Variants in PCDHA9 observed in about 807,000 individuals in gnomAD.
PCDHA9 encodes protocadherin alpha-9.
In PCDHA9, 62 loss-of-function variants were observed where a neutral mutation model predicts 62.0. The observed-to-expected ratio is 1.00, with a 90% CI of 0.81 to 1.23. PCDHA9 has a LOEUF of 1.23. Ranked by LOEUF, PCDHA9 falls within the 50% of genes most tolerant of loss-of-function variation. The pLI, the probability that PCDHA9 is intolerant of heterozygous loss-of-function variation, is 0.00. For synonymous variants in PCDHA9, 557 were observed against 567.6 expected (o/e 0.98, Z 0.27); for missense variants, 1,205 against 1,249.8 (o/e 0.96, Z 0.54).
At chr5:140,912,170 T>C (rs961907962) in intron 1 of PCDHA9, among the ~76,000 whole-genome samples, 6 of 152,202 alleles carry the variant, frequency 3.9e-5, no homozygotes, top group African/African-American at 9.7e-5. Flanking sequence ...CTGGCTGTGC[T>C]GGCAGCTGAT....
Position 140,851,565 on chromosome 5 carries a change from G to T in PCDHA9, c.2394+676G>T, listed in dbSNP as rs558874725. Reference sequence around the variant, plus strand: ...TTCAAGAAATGTTGACTGAAATTTTGTCTACACTTAGAACATTTTTTGAAA... The same window carrying T: ...TTCAAGAAATGTTGACTGAAATTTTTTCTACACTTAGAACATTTTTTGAAA... On this transcript the variant is annotated intron_variant, in intron 1 of 3. Transcript: ENST00000532602. The T allele has an allele frequency of 3.3e-6, 3 of 908,000 alleles. No homozygotes were observed. In the African/African-American group the frequency reaches 5.4e-5, roughly 16 times the overall value. 56.2% of individuals were successfully genotyped at this position (908,000 alleles called of 1,614,324 possible).
intron 1 of PCDHA9, among the ~76,000 whole-genome samples, chr5:140,872,204 C>T (rs1475899671): frequency 6.6e-6 from 1 of 151,738 alleles, no homozygotes. Flanking sequence ...ATCATAAATT[C>T]ATTATATATG....
At chr5:140,869,669 T>C (rs1461591468) in intron 1 of PCDHA9, 49 of 1,613,358 alleles carry the variant, frequency 3.0e-5, no homozygotes, top group Non-Finnish European at 4.1e-5. Context: ...GGTAAGCAGA[T>C]TAAAAGACTG....
intron 1 of PCDHA9, among the ~76,000 whole-genome samples, chr5:140,972,660 ATTTTTTTT>A (rs11350929): frequency 6.0e-5 from 7 of 117,270 alleles, no homozygotes; most frequent in African/African-American, 2.0e-4. Flanking sequence ...AAGAAACCAA[ATTTTTTTT>A]TTTTTTTTTT....
chr5:140,850,744 ACTCG>A lies in PCDHA9; in HGVS notation c.2251_2254del (p.Gln752ArgfsTer60), dbSNP rs2041800778. ...TCTAGCGCGGTGGGGAGTTGGTCGT[ACTCG>A]CAGCAGAGGAGGCAGAGGGTGTGCT... On this transcript the variant is annotated frameshift_variant, in exon 1 of 4. Coordinates refer to ENST00000532602, the MANE Select transcript of PCDHA9 (RefSeq NM_031857.2). LOFTEE classifies it high-confidence loss of function. 1.3e-6 allele frequency: 2 copies of A among 1,597,470 alleles called. 1 individual carries two copies. The highest frequency in any genetic ancestry group is 2.7e-5 in the African/African-American group (2 of 74,012).
chr5:140,920,360 C>T (rs1049389066), intron 1 of PCDHA9, among the ~76,000 whole-genome samples: 2 of 151,950 alleles, frequency 1.3e-5, no homozygotes, highest in Non-Finnish European at 2.9e-5. Context: ...TAGTTCTATT[C>T]ATTTATTCTT....
At chr5:140,856,151 T>C (rs2043811735) in intron 1 of PCDHA9, 2 of 1,598,312 alleles carry the variant, frequency 1.3e-6, no homozygotes, top group Middle Eastern at 1.7e-4. Context: ...CTACTCAGTC[T>C]ACGAGGAGGC....
intron 1 of PCDHA9, among the ~76,000 whole-genome samples, chr5:140,964,480 C>T (rs2095835890): frequency 6.6e-6 from 1 of 152,122 alleles, no homozygotes; most frequent in Non-Finnish European, 1.5e-5. Flanking sequence ...GATTTTTTCA[C>T]AGTCACAGGT....
At chr5:140,953,227 G>A (rs269546) in intron 1 of PCDHA9, among the ~76,000 whole-genome samples, 34,007 of 151,960 alleles carry the variant, frequency 0.22, 4,902 homozygotes, top group African/African-American at 0.41. Flanking sequence ...GCTTCTGCTT[G>A]GTAGCAGTTC....
chr5:140,891,921 C>G (rs1405172226), intron 1 of PCDHA9, among the ~76,000 whole-genome samples: 1 of 152,234 alleles, frequency 6.6e-6, no homozygotes, highest in African/African-American at 2.4e-5. Flanking sequence ...ATGCTGGTGC[C>G]TTGATCTTGG....
chr5:140,868,950 C>T, intron 1 of PCDHA9: 2 of 1,308,056 alleles, frequency 1.5e-6, no homozygotes, highest in Admixed American at 5.4e-5. Flanking sequence ...AACAGTGAGG[C>T]ACTCCCATAC....
intron 1 of PCDHA9, among the ~76,000 whole-genome samples, chr5:140,956,861 A>T (rs2095316106): frequency 6.6e-6 from 1 of 152,194 alleles, no homozygotes; most frequent in Non-Finnish European, 1.5e-5. Flanking sequence ...TGGTTGAATG[A>T]ATGTGTGAAA....
intron 3 of PCDHA9, among the ~76,000 whole-genome samples, chr5:140,986,030 C>T (rs1190318789): frequency 2.6e-5 from 4 of 152,174 alleles, no homozygotes; most frequent in Non-Finnish European, 2.9e-5. Flanking sequence ...TGAGCCACTG[C>T]GCCTGGCCTC....
In PCDHA9 at chr5:140,851,765, C is replaced by T; in HGVS notation, c.2394+876C>T. Reference sequence around the variant, plus strand: ...AGAGTCTGTAACTTAAAACATTACCCTTATGAATTTAGATGAGAATTCACT... The same window carrying T: ...AGAGTCTGTAACTTAAAACATTACCTTTATGAATTTAGATGAGAATTCACT... On this transcript the variant is annotated intron_variant, in intron 1 of 3. Transcript: ENST00000532602. 12 of 970,186 alleles carry T rather than the reference C, an allele frequency of 1.2e-5. 1 individual carries two copies. The highest frequency in any genetic ancestry group is 1.4e-5 in the Non-Finnish European group (11 of 802,992). The allele number at this position is 970,186 out of a possible 1,614,324, so 60.1% of individuals were successfully genotyped here. A position where few individuals can be genotyped will look rare whatever the true frequency, so the allele number is the denominator to read the frequency against.
chr5:140,994,314 C>T (rs936811729), intron 3 of PCDHA9, among the ~76,000 whole-genome samples: 4 of 152,192 alleles, frequency 2.6e-5, no homozygotes, highest in African/African-American at 9.6e-5. Flanking sequence ...AGGGCCCAAA[C>T]ACTCTCAGCA....
chr5:141,000,926 G>T (rs1554257936), intron 3 of PCDHA9, among the ~76,000 whole-genome samples: 1 of 151,956 alleles, frequency 6.6e-6, no homozygotes, highest in Non-Finnish European at 1.5e-5. Flanking sequence ...AAAATCCTGT[G>T]TGATTTAGGA....
At chr5:140,876,686 A>G (rs1554168790) in intron 1 of PCDHA9, 1 of 1,613,822 alleles carries the variant, frequency 6.2e-7, no homozygotes, top group Admixed American at 1.7e-5. Context: ...AAGAATTACT[A>G]CTCGTTGGTG....
At chr5:140,877,103 C>T (rs782607272) in intron 1 of PCDHA9, 7 of 1,613,552 alleles carry the variant, frequency 4.3e-6, no homozygotes, top group Non-Finnish European at 5.9e-6. Flanking sequence ...GGCGTGCCGC[C>T]TCTGGGCAGC....
rs1432649344 is a variant in PCDHA9, at chr5:140,870,194, C to T, written c.2394+19305C>T. ...CTCCCAGTACGAGAGGACGCTCAGC[C>T]CAGCACGGTCATTGCCCTGATCAGC... On this transcript the variant is annotated intron_variant, in intron 1 of 3. Transcript: ENST00000532602. 5.0e-6 allele frequency: 8 copies of T among 1,614,050 alleles called. No homozygotes were observed. Among genetic ancestry groups the T allele is most frequent in the Non-Finnish European group, 5.9e-6 (7 of 1,180,054 alleles).
Sources: gnomAD v4.1 joint callset for allele counts (sites outside exome capture counted in the v4.1 genomes callset) on GRCh38, gnomAD v4.1.1 for gene constraint, MANE v1.5 for transcripts, NCBI Gene and HGNC (gene_info 2026-07-23, HGNC 2026-07-21) for gene names.